TIMM23B: variants seen among roughly 807,000 people sequenced by gnomAD.
TIMM23B encodes mitochondrial import inner membrane translocase subunit Tim23B.
TIMM23B carries 27 observed loss-of-function variants against 27.3 expected under a neutral mutation model. That is an observed-to-expected ratio of 0.99 (90% CI 0.73 to 1.36). The LOEUF is 1.36. TIMM23B is among the 40% of genes most tolerant of loss of function. The pLI, the probability that TIMM23B is intolerant of heterozygous loss-of-function variation, is 0.00. For synonymous variants in TIMM23B, 73 were observed against 92.4 expected (o/e 0.79, Z 1.21); for missense variants, 205 against 244.2 (o/e 0.84, Z 1.07).
At chr10:49,963,440 T>C (rs1357816754) in intron 6 of TIMM23B, among the ~76,000 whole-genome samples, 1 of 151,926 alleles carries the variant, frequency 6.6e-6, no homozygotes, top group Non-Finnish European at 1.5e-5. Context: ...ACCTGGGCAA[T>C]AGAGCAGGTC....
At chr10:49,972,287 T>A (rs1225590445) in intron 6 of TIMM23B, among the ~76,000 whole-genome samples, 1 of 152,190 alleles carries the variant, frequency 6.6e-6, no homozygotes, top group Non-Finnish European at 1.5e-5. Context: ...TTCGGCACTT[T>A]AGGACAGCGT....
rs1236371261 is a variant in TIMM23B at position 49,973,640 on chromosome 10, G to T, written c.*576G>T. On this transcript the variant is annotated 3_prime_UTR_variant, in exon 7 of 7. Transcript: ENST00000651259. The stretch of plus-strand genomic sequence containing the variant: ...TGCAGTGAGCTATGATCCTAACACT[G>T]CTCTCCAGCCTGGGTGACACACCAA... 2 of 151,518 alleles carry T rather than the reference G, an allele frequency of 1.3e-5. No homozygotes were observed. The highest frequency in any genetic ancestry group is 4.9e-5 in the African/African-American group (2 of 40,864). The allele number at this position is 151,518 out of a possible 1,614,324, so 9.4% of individuals were successfully genotyped here.
At chr10:49,950,667 A>G (rs2133060372) in intron 2 of TIMM23B, among the ~76,000 whole-genome samples, 1 of 151,172 alleles carries the variant, frequency 6.6e-6, no homozygotes, top group Non-Finnish European at 1.5e-5. Context: ...TCAGCCTCCC[A>G]AGTAGCTGGG....
At chr10:49,959,348 A>G (rs1397699529) in intron 6 of TIMM23B, among the ~76,000 whole-genome samples, 7 of 152,230 alleles carry the variant, frequency 4.6e-5, no homozygotes, top group African/African-American at 7.2e-5. Flanking sequence ...CCCAGGAATG[A>G]CTTCCCTGTA....
rs1401647064 is a variant in TIMM23B, at chr10:49,954,876, G to A, written c.345-126G>A. 1.5e-5 allele frequency: 11 copies of A among 743,788 alleles called. No homozygotes were observed. In the African/African-American group the frequency reaches 2.0e-4, roughly 13 times the overall value. The allele number at this position is 743,788 out of a possible 1,614,324, so 46.1% of individuals were successfully genotyped here. On this transcript the variant is annotated intron_variant, in intron 4 of 6. Transcript: ENST00000651259. ...TTATTGAAATCGGAGATATTAAGAT[G>A]TATTTTAGAATTTAAAAAACTTTGC...
Position 49,952,233 on chromosome 10 carries a change from A to G in TIMM23B, c.259+14A>G. 3 of 1,600,666 alleles carry G rather than the reference A, an allele frequency of 1.9e-6. No individual in the cohort carries two copies. The highest frequency in any genetic ancestry group is 2.6e-6 in the Non-Finnish European group (3 of 1,168,170). On this transcript the variant is annotated intron_variant, in intron 3 of 6. Coordinates refer to ENST00000651259, the MANE Select transcript of TIMM23B (RefSeq NM_001290117.2). ...GTTGCATGACAGGTGAGTGTTACAT[A>G]CTTTTTTCTCAAGAGTGCTCAGTTC...
intron 6 of TIMM23B, among the ~76,000 whole-genome samples, chr10:49,964,222 TAAATG>T (rs1452804491): frequency 4.4e-5 from 6 of 136,952 alleles, no homozygotes; most frequent in Non-Finnish European, 7.7e-5. Context: ...AGAAATGAAA[TAAATG>T]AATACTGAAA....
chr10:49,966,668 T>C (rs1589048931), intron 6 of TIMM23B, among the ~76,000 whole-genome samples: 2 of 151,348 alleles, frequency 1.3e-5, no homozygotes, highest in East Asian at 3.9e-4. Context: ...TCTACTAAAA[T>C]AAAAAAACTA....
At position 49,959,444 on chromosome 10, in the gene TIMM23B, T is replaced by C. The variant is rs1345740603; in HGVS notation, c.514+964T>C. ...GCTGTCAAGGGTCAGATAATTCTCT[T>C]CTGTGATAAGTTTTACTAGTTTAGA... On this transcript the variant is annotated intron_variant, in intron 6 of 6. Coordinates refer to ENST00000651259, the MANE Select transcript of TIMM23B (RefSeq NM_001290117.2). Among the ~76,000 whole-genome samples, 6 of 152,334 alleles carry C rather than the reference T, an allele frequency of 3.9e-5. No individual in the cohort carries two copies. In the East Asian group the frequency reaches 1.2e-3, roughly 29 times the overall value.
At chr10:49,958,085 AG>A (rs1442273807) in intron 5 of TIMM23B, among the ~76,000 whole-genome samples, 1 of 152,140 alleles carries the variant, frequency 6.6e-6, no homozygotes, top group Non-Finnish European at 1.5e-5. Flanking sequence ...AGGTGAAAGG[AG>A]GGCAGGAGAA....
intron 6 of TIMM23B, among the ~76,000 whole-genome samples, chr10:49,969,474 C>T (rs1320633177): frequency 2.0e-5 from 3 of 150,620 alleles, no homozygotes; most frequent in African/African-American, 7.3e-5. Context: ...TTCTAAGAGG[C>T]CAAGGCAGGC....
chr10:49,957,648 A>C (rs1839770422), intron 5 of TIMM23B, among the ~76,000 whole-genome samples: 1 of 152,054 alleles, frequency 6.6e-6, no homozygotes, highest in South Asian at 2.1e-4. Flanking sequence ...CTTTCATTTC[A>C]CTGGAGTTGG....
intron 2 of TIMM23B, among the ~76,000 whole-genome samples, chr10:49,948,558 T>C (rs1839424373): frequency 6.6e-6 from 1 of 152,250 alleles, no homozygotes; most frequent in Non-Finnish European, 1.5e-5. Context: ...TATTAAATTA[T>C]GCTACAATAT....
intron 2 of TIMM23B, among the ~76,000 whole-genome samples, chr10:49,950,904 C>G (rs1839509968): frequency 1.3e-5 from 2 of 152,070 alleles, no homozygotes; most frequent in African/African-American, 4.8e-5. Flanking sequence ...TTTTTCTTCT[C>G]AGCAACCATG....
intron 6 of TIMM23B, among the ~76,000 whole-genome samples, chr10:49,969,871 G>C (rs1840345834): frequency 6.6e-6 from 1 of 150,676 alleles, no homozygotes; most frequent in African/African-American, 2.4e-5. Flanking sequence ...CTGCCATCTC[G>C]GCTCACTGCA....
At chr10:49,953,736 C>T (rs1311185648) in intron 4 of TIMM23B, among the ~76,000 whole-genome samples, 4 of 152,060 alleles carry the variant, frequency 2.6e-5, no homozygotes, top group African/African-American at 4.8e-5. Flanking sequence ...ACTTGTCCCT[C>T]GCTTCAATAA....
intron 1 of TIMM23B, among the ~76,000 whole-genome samples, chr10:49,943,655 A>G (rs1839244493): frequency 6.6e-6 from 1 of 151,356 alleles, no homozygotes; most frequent in South Asian, 2.1e-4. Flanking sequence ...AAATTGGGGG[A>G]CCAGGGAATG....
At chr10:49,961,307 T>C (rs1278982027) in intron 6 of TIMM23B, among the ~76,000 whole-genome samples, 1 of 140,322 alleles carries the variant, frequency 7.1e-6, no homozygotes, top group Admixed American at 7.5e-5. Context: ...TGCTTGAACC[T>C]GGGAGGTGGA....
chr10:49,956,632 T>C (rs879003001), intron 5 of TIMM23B, among the ~76,000 whole-genome samples: 42,828 of 137,780 alleles, frequency 0.31, 9,266 homozygotes, highest in Non-Finnish European at 0.39. Context: ...CAGTCGTGTA[T>C]CATGTGCACA....
Sources: gnomAD v4.1 joint callset for allele counts (sites outside exome capture counted in the v4.1 genomes callset) on GRCh38, gnomAD v4.1.1 for gene constraint, MANE v1.5 for transcripts, NCBI Gene and HGNC (gene_info 2026-07-23, HGNC 2026-07-21) for gene names.